PRRX1: variants seen among roughly 807,000 people sequenced by gnomAD.
The protein encoded by PRRX1 is paired related homeobox 1.
A neutral mutation model predicts 24.0 loss-of-function variants in PRRX1; 8 were observed. The ratio of observed to expected loss-of-function variants is 0.33; its 90% CI spans 0.20 to 0.60. The LOEUF (loss-of-function observed/expected upper bound fraction) is 0.60, where lower values mean the gene tolerates loss of function less well. Ranked by LOEUF, PRRX1 falls within the 20% of genes least tolerant of loss-of-function variation. The probability of loss-of-function intolerance (pLI) is 0.82; values close to 1 mark genes in which losing one functional copy is unlikely to be tolerated. For synonymous variants in PRRX1, 160 were observed against 131.7 expected, an observed-to-expected ratio of 1.22 and a Z score of -1.47; for missense variants, 281 against 322.4, an observed-to-expected ratio of 0.87 and a Z score of 0.98.
chr1:170,710,203 C>T (rs772068236), intron 1 of PRRX1, among the ~76,000 whole-genome samples: 4 of 152,122 alleles, frequency 2.6e-5, no homozygotes, highest in Admixed American at 6.5e-5. Flanking sequence ...AAAAAACACA[C>T]CACCAACACC....
At chr1:170,711,583 T>C (rs1347851930) in intron 1 of PRRX1, among the ~76,000 whole-genome samples, 1 of 152,154 alleles carries the variant, frequency 6.6e-6, no homozygotes, top group Non-Finnish European at 1.5e-5. Context: ...TTAAAAATTA[T>C]AACCAAAAAG....
Position 170,693,730 on chromosome 1 carries a change from G to A in PRRX1, c.242-25996G>A, listed in dbSNP as rs115657864. ...TTAAAATTTCTTTGGAAGTTGGATC[G>A]AAAAGATGAGAAGCTCAGACCTTGA... On this transcript the variant is annotated intron_variant, in intron 1 of 3. Coordinates refer to ENST00000239461, the MANE Select transcript of PRRX1 (RefSeq NM_022716.4). Among the ~76,000 whole-genome samples, 1,173 of 152,122 alleles carry A rather than the reference G, an allele frequency of 7.7e-3. 16 individuals are homozygous for A. The highest frequency in any genetic ancestry group is 0.027 in the African/African-American group (1,113 of 41,534).
At chr1:170,695,974 GC>G (rs1443641788) in intron 1 of PRRX1, among the ~76,000 whole-genome samples, 4 of 152,258 alleles carry the variant, frequency 2.6e-5, no homozygotes, top group African/African-American at 7.2e-5. Flanking sequence ...AATAAAACAT[GC>G]TTTTCTCTAC....
At chr1:170,694,674 T>A (rs1351859177) in intron 1 of PRRX1, among the ~76,000 whole-genome samples, 1 of 152,124 alleles carries the variant, frequency 6.6e-6, no homozygotes, top group Non-Finnish European at 1.5e-5. Flanking sequence ...ACCAAGCAGA[T>A]CTTCTTGTTG....
chr1:170,662,804 T>A (rs1303188703), upstream of PRRX1: 1 of 151,818 alleles, frequency 6.6e-6, no homozygotes. Context: ...TGGTGGTGGA[T>A]TTTTTCCAAA....
intron 1 of PRRX1, among the ~76,000 whole-genome samples, chr1:170,678,692 A>G (rs1203760140): frequency 6.6e-6 from 1 of 152,190 alleles, no homozygotes; most frequent in African/African-American, 2.4e-5. Context: ...GCCCTTCCTC[A>G]TCTAGGAAGA....
chr1:170,702,529 C>T (rs1571333234), intron 1 of PRRX1, among the ~76,000 whole-genome samples: 1 of 152,146 alleles, frequency 6.6e-6, no homozygotes, highest in Non-Finnish European at 1.5e-5. Flanking sequence ...ATCCATATCT[C>T]TGTTAACAAA....
At chr1:170,708,437 C>T (rs780722743) in intron 1 of PRRX1, among the ~76,000 whole-genome samples, 2 of 152,024 alleles carry the variant, frequency 1.3e-5, no homozygotes, top group African/African-American at 2.4e-5. Flanking sequence ...GTTGACAGGC[C>T]GTAATGTTCC....
chr1:170,715,748 T>A (rs560699196), intron 1 of PRRX1, among the ~76,000 whole-genome samples: 1 of 152,202 alleles, frequency 6.6e-6, no homozygotes, highest in Non-Finnish European at 1.5e-5. Flanking sequence ...GCTTTCTAGA[T>A]GAGAATGGTT....
At chr1:170,726,508 T>A in intron 3 of PRRX1, 107 bp downstream of exon 3, 1 of 1,354,418 alleles carries the variant, frequency 7.4e-7, no homozygotes, top group South Asian at 1.3e-5. Context: ...ACTGGGTTAA[T>A]CTCTTCAGAG....
intron 1 of PRRX1, among the ~76,000 whole-genome samples, chr1:170,673,692 T>C (rs2101886665): frequency 6.6e-6 from 1 of 152,332 alleles, no homozygotes; most frequent in South Asian, 2.1e-4. Context: ...CGAACTTTCT[T>C]TCCCCAGTCT....
At chr1:170,714,248 A>G (rs773064237) in intron 1 of PRRX1, among the ~76,000 whole-genome samples, 1 of 152,190 alleles carries the variant, frequency 6.6e-6, no homozygotes, top group South Asian at 2.1e-4. Context: ...GGCTTTTGCA[A>G]TTACACTTCC....
intron 1 of PRRX1, among the ~76,000 whole-genome samples, chr1:170,717,642 A>C (rs748758223): frequency 2.0e-5 from 3 of 151,842 alleles, no homozygotes; most frequent in Admixed American, 6.6e-5. Context: ...TTTTGGGGGC[A>C]TGAAATTCAG....
chr1:170,672,352 T>C (rs1315463959), intron 1 of PRRX1, among the ~76,000 whole-genome samples: 11 of 152,224 alleles, frequency 7.2e-5, no homozygotes, highest in Admixed American at 7.2e-4. Flanking sequence ...TAGATGATGG[T>C]TAATACATAC....
intron 3 of PRRX1, chr1:170,729,093 T>G (rs1655347690): frequency 6.6e-6 from 1 of 152,246 alleles, no homozygotes. Context: ...AATTTAAGTC[T>G]TCAGCAAGGA....
chr1:170,706,091 T>C (rs1437501721), intron 1 of PRRX1, among the ~76,000 whole-genome samples: 2 of 152,216 alleles, frequency 1.3e-5, no homozygotes, highest in East Asian at 3.8e-4. Context: ...GAATACCTGC[T>C]AAATCTGAAC....
chr1:170,671,454 A>G (rs992879652), intron 1 of PRRX1, among the ~76,000 whole-genome samples: 2 of 152,228 alleles, frequency 1.3e-5, no homozygotes, highest in Admixed American at 6.5e-5. Flanking sequence ...TAGCGACGCC[A>G]GGCGCTGCTT....
chr1:170,673,056 A>G (rs1326265552), intron 1 of PRRX1, among the ~76,000 whole-genome samples: 1 of 152,138 alleles, frequency 6.6e-6, no homozygotes, highest in Non-Finnish European at 1.5e-5. Flanking sequence ...TGGTATCTTT[A>G]TGTATTTTTC....
rs74123154 is a variant in PRRX1 at position 170,674,369 on chromosome 1, T to G, written c.241+9910T>G. Reference sequence around the variant, plus strand: ...TGGTCTCATTTTGGCTTCTCTGACTTCTGATGTGAAGTGTCCTTGCTCTGT... The same window carrying G: ...TGGTCTCATTTTGGCTTCTCTGACTGCTGATGTGAAGTGTCCTTGCTCTGT... On this transcript the variant is annotated intron_variant, in intron 1 of 3. Transcript: ENST00000239461. 5.9e-3 allele frequency among the ~76,000 whole-genome samples: 894 copies of G among 152,350 alleles called. 9 individuals carry two copies. Among genetic ancestry groups the G allele is most frequent in the African/African-American group, 0.021 (854 of 41,568 alleles).
Sources: gnomAD v4.1 joint callset for allele counts (sites outside exome capture counted in the v4.1 genomes callset) on GRCh38, gnomAD v4.1.1 for gene constraint, MANE v1.5 for transcripts, NCBI Gene and HGNC (gene_info 2026-07-23, HGNC 2026-07-21) for gene names.